The following TTC29 variants were observed in gnomAD, a reference collection of about 807,000 sequenced individuals.
The protein encoded by TTC29 is tetratricopeptide repeat protein 29.
A neutral mutation model predicts 58.1 loss-of-function variants in TTC29; 49 were observed. The observed-to-expected ratio is 0.84, with a 90% confidence interval of 0.67 to 1.07. The LOEUF is 1.07. Among genes scored for constraint, TTC29 ranks in the 50% least tolerant of loss-of-function variants. The pLI is 0.00. For missense variants in TTC29, 582 were observed against 555.6 expected (o/e 1.05, Z -0.48); for synonymous variants, 209 against 196.8 (o/e 1.06, Z -0.52).
chr4:146,934,360 T>C (rs1326130078), intron 4 of TTC29: 2 of 152,090 alleles, frequency 1.3e-5, no homozygotes, highest in African/African-American at 2.4e-5. Flanking sequence ...GCTGCCTTGA[T>C]GTTATTTGCT....
intron 11 of TTC29, among the ~76,000 whole-genome samples, chr4:146,728,638 A>G (rs1371181670): frequency 6.7e-6 from 1 of 149,122 alleles, no homozygotes; most frequent in Non-Finnish European, 1.5e-5. Context: ...TTTTACTTTT[A>G]CTACTACTAC....
intron 6 of TTC29, among the ~76,000 whole-genome samples, chr4:146,879,418 C>T (rs1731480180): frequency 1.4e-5 from 2 of 143,022 alleles, no homozygotes; most frequent in South Asian, 4.4e-4. Context: ...GATATTAAGA[C>T]TAGATATTTA....
chr4:146,746,846 G>T (rs1745585542), intron 11 of TTC29, among the ~76,000 whole-genome samples: 1 of 152,116 alleles, frequency 6.6e-6, no homozygotes, highest in Non-Finnish European at 1.5e-5. Flanking sequence ...AACCTGTAGT[G>T]CTCTTCCCTC....
chr4:146,776,370 C>A (rs1409741382), intron 11 of TTC29, among the ~76,000 whole-genome samples: 1 of 151,952 alleles, frequency 6.6e-6, no homozygotes, highest in African/African-American at 2.4e-5. Context: ...TGCCAGAGTT[C>A]TTGCTCTGGT....
chr4:146,885,349 T>A (rs1039025047), intron 6 of TTC29, among the ~76,000 whole-genome samples: 9 of 152,262 alleles, frequency 5.9e-5, no homozygotes, highest in Admixed American at 2.0e-4. Flanking sequence ...ATCTTAAGTA[T>A]TGCTGACAAC....
At chr4:146,707,728 A>G (rs1281520717) in intron 11 of TTC29, among the ~76,000 whole-genome samples, 177 bp from the exon 12 acceptor site, 1 of 152,046 alleles carries the variant, frequency 6.6e-6, no homozygotes, top group African/African-American at 2.4e-5. Context: ...AATCTCTCCC[A>G]CTCCACATGT....
chr4:146,717,965 A>G (rs1318198962), intron 11 of TTC29, among the ~76,000 whole-genome samples: 6 of 152,104 alleles, frequency 3.9e-5, no homozygotes, highest in Non-Finnish European at 7.4e-5. Context: ...TTAGATTCCA[A>G]TATAAGTGAG....
At chr4:146,782,353 ATAT>A (rs1036572989) in intron 11 of TTC29, among the ~76,000 whole-genome samples, 4 of 151,886 alleles carry the variant, frequency 2.6e-5, no homozygotes, top group South Asian at 4.1e-4. Flanking sequence ...TTATATAAAA[ATAT>A]TATTATTTGA....
intron 11 of TTC29, among the ~76,000 whole-genome samples, chr4:146,710,224 C>CTATT (rs1260543080): frequency 3.3e-5 from 5 of 152,076 alleles, no homozygotes; most frequent in Non-Finnish European, 7.4e-5. Context: ...CATAGCTAGG[C>CTATT]TATTATATAC....
intron 6 of TTC29, among the ~76,000 whole-genome samples, chr4:146,894,613 TG>T (rs1489772222): frequency 6.6e-6 from 1 of 151,958 alleles, no homozygotes; most frequent in Non-Finnish European, 1.5e-5. Context: ...TACACCAACA[TG>T]GCACATGTAT....
chr4:146,721,012 G>GTACAT (rs1561058464), intron 11 of TTC29, among the ~76,000 whole-genome samples: 10 of 152,018 alleles, frequency 6.6e-5, no homozygotes, highest in South Asian at 2.1e-4. Flanking sequence ...GGCTGAGGAG[G>GTACAT]GGCATGGGAA....
chr4:146,765,990 A>C (rs893494532), intron 11 of TTC29, among the ~76,000 whole-genome samples: 1 of 152,218 alleles, frequency 6.6e-6, no homozygotes, highest in Middle Eastern at 3.4e-3. Flanking sequence ...AGAGCAAAAC[A>C]CTAAAGGTAA....
chr4:146,777,212 G>GA (rs1748171653), intron 11 of TTC29, among the ~76,000 whole-genome samples: 1 of 152,142 alleles, frequency 6.6e-6, no homozygotes, highest in Non-Finnish European at 1.5e-5. Context: ...CAAGTAATGG[G>GA]AAAAACCGCA....
intron 6 of TTC29, among the ~76,000 whole-genome samples, chr4:146,902,389 C>T (rs1188543298): frequency 2.0e-5 from 3 of 152,098 alleles, no homozygotes; most frequent in East Asian, 1.9e-4. Context: ...CCACAAACCC[C>T]ATGACACAAG....
intron 9 of TTC29, chr4:146,831,939 T>G (rs1728191291): frequency 4.9e-6 from 1 of 204,804 alleles, no homozygotes; most frequent in Admixed American, 5.0e-5. Flanking sequence ...TTAATTTATT[T>G]ATTTTTGCGA....
intron 4 of TTC29, among the ~76,000 whole-genome samples, chr4:146,918,141 T>C (rs1404956923): frequency 6.6e-6 from 1 of 151,098 alleles, no homozygotes; most frequent in African/African-American, 2.4e-5. Flanking sequence ...TTTTGCTTTG[T>C]ATTTTTGGAT....
At chr4:146,709,020 T>C (rs1157174437) in intron 11 of TTC29, among the ~76,000 whole-genome samples, 1 of 152,128 alleles carries the variant, frequency 6.6e-6, no homozygotes, top group Non-Finnish European at 1.5e-5. Flanking sequence ...GATTATACAG[T>C]CAACCATTTG....
rs563053367 is a variant in TTC29 at position 146,818,862 on chromosome 4, C to T, written c.1101+1263G>A. Among the ~76,000 whole-genome samples the T allele has an allele frequency of 2.8e-4, 42 of 151,790 alleles. 1 individual carries two copies. In the South Asian group the frequency reaches 5.4e-3, roughly 20 times the overall value. ...AAAAACCAAACACCGCATGTTCTCA[C>T]TCATAGATGGGAATTGAACAATGAG... On this transcript the variant is annotated intron_variant, in intron 10 of 12. Transcript: ENST00000325106.
chr4:146,843,878 T>C (rs772466386), intron 8 of TTC29, among the ~76,000 whole-genome samples: 16 of 152,212 alleles, frequency 1.1e-4, no homozygotes, highest in Non-Finnish European at 1.9e-4. Flanking sequence ...TCTCTCCTCA[T>C]GTGATAAGTC....
Sources: gnomAD v4.1 joint callset for allele counts (sites outside exome capture counted in the v4.1 genomes callset) on GRCh38, gnomAD v4.1.1 for gene constraint, MANE v1.5 for transcripts, NCBI Gene and HGNC (gene_info 2026-07-23, HGNC 2026-07-21) for gene names.